SLC22A25: variants seen among roughly 807,000 people sequenced by gnomAD.
The protein encoded by SLC22A25 is solute carrier family 22 member 25, also known as MGI:2442751, MGI:2385316, MGI:3042283, MGI:3645714, MGI:3605624, MGI:2442750.
SLC22A25 carries 44 observed loss-of-function variants against 45.9 expected under a neutral mutation model. The observed-to-expected ratio is 0.96, with a 90% CI of 0.75 to 1.23. The LOEUF (loss-of-function observed/expected upper bound fraction) is 1.23, where lower values mean the gene tolerates loss of function less well. SLC22A25 is among the 50% of genes most tolerant of loss of function. SLC22A25 has a pLI of 0.00. For synonymous variants in SLC22A25, 283 were observed against 238.6 expected, an observed-to-expected ratio of 1.19 and a Z score of -1.72; for missense variants, 800 against 666.4, an observed-to-expected ratio of 1.20 and a Z score of -2.21.
At chr11:63,239,641 T>C (rs2090216328) in intron 1 of SLC22A25, among the ~76,000 whole-genome samples, 1 of 152,232 alleles carries the variant, frequency 6.6e-6, no homozygotes, top group African/African-American at 2.4e-5. Flanking sequence ...AATTTAAACA[T>C]GGTACAGTCC....
At chr11:63,196,665 A>C (rs2089045608) in intron 7 of SLC22A25, among the ~76,000 whole-genome samples, 1 of 152,180 alleles carries the variant, frequency 6.6e-6, no homozygotes, top group Non-Finnish European at 1.5e-5. Flanking sequence ...AATGGGCAAA[A>C]ACTGGAAGCA....
intron 9 of SLC22A25, among the ~76,000 whole-genome samples, chr11:63,175,500 A>T (rs2088053060): frequency 6.6e-6 from 1 of 151,992 alleles, no homozygotes; most frequent in Non-Finnish European, 1.5e-5. Flanking sequence ...TATATTTTGG[A>T]TATTAACTCA....
chr11:63,192,985 C>T (rs1430787592), intron 7 of SLC22A25, among the ~76,000 whole-genome samples: 1 of 152,106 alleles, frequency 6.6e-6, no homozygotes, highest in Non-Finnish European at 1.5e-5. Context: ...TCAAATGGTC[C>T]TGACATGTAT....
At chr11:63,230,177 G>C (rs947214053) in intron 3 of SLC22A25, among the ~76,000 whole-genome samples, 81 bp from the exon 4 acceptor site, 3 of 152,160 alleles carry the variant, frequency 2.0e-5, no homozygotes, top group South Asian at 2.1e-4. Flanking sequence ...AATCTGAGTT[G>C]AATTAAAATG....
At chr11:63,212,026 T>G (rs1281329236) in intron 7 of SLC22A25, among the ~76,000 whole-genome samples, 1 of 152,180 alleles carries the variant, frequency 6.6e-6, no homozygotes, top group African/African-American at 2.4e-5. Context: ...TAGACACTTC[T>G]CAAAAGAAGA....
At position 63,229,452 on chromosome 11, in the gene SLC22A25, G is replaced by T. The variant is rs1306194844; in HGVS notation, c.201C>A (p.Leu67=). Residue 67 remains leucine, a synonymous_variant, in exon 4 of 12, where the codon CTC becomes CTA. Coordinates refer to ENST00000306494, the MANE Select transcript of SLC22A25 (RefSeq NM_199352.6). ...AGATTCTCAGGAGGGCATCCTGGCTGAGGGTCCCAGGGTCATTGTCAGGGA... is the reference window on the plus strand; with the variant it reads ...AGATTCTCAGGAGGGCATCCTGGCTTAGGGTCCCAGGGTCATTGTCAGGGA... ...DTIPDNDPGT[L]SQDALLRISI... is the part of the protein sequence containing the mutation. The T allele has an allele frequency of 1.2e-6, 2 of 1,614,136 alleles. No individual in the cohort carries two copies.
intron 7 of SLC22A25, among the ~76,000 whole-genome samples, chr11:63,204,963 C>G (rs1200746576): frequency 6.6e-6 from 1 of 152,230 alleles, no homozygotes; most frequent in East Asian, 1.9e-4. Flanking sequence ...CAAACAGTCT[C>G]TCAGACCACA....
chr11:63,164,240 A>C (rs1387496052), intron 11 of SLC22A25, among the ~76,000 whole-genome samples, 167 bp from the exon 12 acceptor site: 1 of 152,184 alleles, frequency 6.6e-6, no homozygotes, highest in African/African-American at 2.4e-5. Flanking sequence ...TTTTAGATTC[A>C]CAAGTGAATT....
In SLC22A25 at chr11:63,160,358, G is replaced by A. The variant is rs1322854858; in HGVS notation, c.*3466C>T. ...TAAAAGGGGCCAAGGTACAGATCAG[G>A]CTGTGGCTTCAGAGGGTGCAAGCCC... On this transcript the variant is annotated 3_prime_UTR_variant, in exon 12 of 12. Transcript: ENST00000306494. Among the ~76,000 whole-genome samples the A allele has an allele frequency of 1.3e-5, 2 of 152,240 alleles. No individual in the cohort carries two copies. The highest frequency in any genetic ancestry group is 1.3e-4 in the Admixed American group (2 of 15,286).
rs994077882 is a variant in SLC22A25, at chr11:63,178,189, C to T, written c.1070+2471G>A. On this transcript the variant is annotated intron_variant, in intron 9 of 11. Transcript: ENST00000306494. ...TACAGGTGTGGGCCACCACGCCCTG[C>T]CAATATACCCCATTTTCTTTATACA... 3.9e-5 allele frequency among the ~76,000 whole-genome samples: 6 copies of T among 151,958 alleles called. No individual in the cohort carries two copies. The South Asian group carries it at 6.2e-4, about 16-fold the overall frequency.
intron 7 of SLC22A25, among the ~76,000 whole-genome samples, chr11:63,194,890 CAAAAAAAAAAAAA>C (rs796301840): frequency 5.8e-5 from 2 of 34,656 alleles, no homozygotes; most frequent in African/African-American, 8.0e-5. Flanking sequence ...AAATGGAAAG[CAAAAAAAAAAAAA>C]AAAAAAAAAA....
chr11:63,236,232 C>T (rs576762127), intron 3 of SLC22A25, among the ~76,000 whole-genome samples: 1 of 152,274 alleles, frequency 6.6e-6, no homozygotes, highest in African/African-American at 2.4e-5. Flanking sequence ...CTGTGCCCTG[C>T]CCCCAGAGGT....
Position 63,163,691 on chromosome 11 carries a change from A to T in SLC22A25, c.*133T>A, listed in dbSNP as rs1268607824. On this transcript the variant is annotated 3_prime_UTR_variant, in exon 12 of 12. Coordinates refer to ENST00000306494, the MANE Select transcript of SLC22A25 (RefSeq NM_199352.6). ...TGTGTGATCTAGTGAGGCTCAGGGG[A>T]TGTATGAGGTCACTGTGGAAGGGAT... 2.4e-6 allele frequency: 3 copies of T among 1,244,084 alleles called. No individual in the cohort carries two copies. Among genetic ancestry groups the T allele is most frequent in the Non-Finnish European group, 3.3e-6 (3 of 908,040 alleles). The allele number at this position is 1,244,084 out of a possible 1,614,324, so 77.1% of individuals were successfully genotyped here.
chr11:63,231,505 T>C (rs1228597347), intron 3 of SLC22A25, among the ~76,000 whole-genome samples: 1 of 152,178 alleles, frequency 6.6e-6, no homozygotes, highest in Non-Finnish European at 1.5e-5. Context: ...GTTCTTTTTT[T>C]CTTGTAAATT....
intron 9 of SLC22A25, among the ~76,000 whole-genome samples, chr11:63,174,031 C>T (rs142587766): frequency 6.6e-6 from 1 of 151,776 alleles, no homozygotes; most frequent in Non-Finnish European, 1.5e-5. Context: ...AGGTATTTCT[C>T]CTAATGTTAT....
intron 7 of SLC22A25, among the ~76,000 whole-genome samples, chr11:63,195,810 A>C (rs2089004591): frequency 6.6e-6 from 1 of 152,036 alleles, no homozygotes; most frequent in African/African-American, 2.4e-5. Flanking sequence ...TAATGAATCC[A>C]GGAGCTGGTT....
In SLC22A25 at chr11:63,164,592, C is replaced by G. The variant is rs144345675; in HGVS notation, c.1328G>C (p.Gly443Ala). Residue 443 changes from glycine (G) to alanine (A), a missense_variant, in exon 11 of 12, where the codon GGA becomes GCA. Coordinates refer to ENST00000306494, the MANE Select transcript of SLC22A25 (RefSeq NM_199352.6). Reference sequence around the variant, plus strand: ...ACAGGTAATGCCAAGAGAAGCAGCTCCCACACCCAGGGTTGCCAAAACCAC... The same window carrying G: ...ACAGGTAATGCCAAGAGAAGCAGCTGCCACACCCAGGGTTGCCAAAACCAC... Reference protein sequence around the residue: ...LRVVLATLGVGAASLGITCST... With the variant: ...LRVVLATLGVAAASLGITCST... 2.5e-6 allele frequency: 4 copies of G among 1,613,794 alleles called. No individual in the cohort carries two copies. The highest frequency in any genetic ancestry group is 3.4e-6 in the Non-Finnish European group (4 of 1,179,832).
intron 7 of SLC22A25, among the ~76,000 whole-genome samples, chr11:63,211,568 A>G (rs897936093): frequency 3.3e-5 from 5 of 152,180 alleles, no homozygotes; most frequent in African/African-American, 1.2e-4. Context: ...GCAAGGGTTT[A>G]AGAATTCTCC....
At chr11:63,209,255 G>T (rs983355187) in intron 7 of SLC22A25, among the ~76,000 whole-genome samples, 2 of 152,148 alleles carry the variant, frequency 1.3e-5, no homozygotes, top group African/African-American at 4.8e-5. Flanking sequence ...GAGGGATACT[G>T]CAAGGCATTA....
Sources: gnomAD v4.1 joint callset for allele counts (sites outside exome capture counted in the v4.1 genomes callset) on GRCh38, gnomAD v4.1.1 for gene constraint, MANE v1.5 for transcripts, NCBI Gene and HGNC (gene_info 2026-07-23, HGNC 2026-07-21) for gene names.